SMIM35: variants seen among roughly 807,000 people sequenced by gnomAD.
The protein encoded by SMIM35 is small integral membrane protein 35.
chr11:118,025,721 A>AT (rs1270124333), intron 1 of SMIM35: 1 of 453,680 alleles, frequency 2.2e-6, no homozygotes, highest in Non-Finnish European at 4.4e-6. Context: ...GTTTGTGAAT[A>AT]TTTTCTCCCA....
At chr11:118,068,043 A>G (rs75037338) in intron 1 of SMIM35, among the ~76,000 whole-genome samples, 2,461 of 151,818 alleles carry the variant, frequency 0.016, 105 homozygotes, top group East Asian at 0.11. Context: ...CTTCCAGTAC[A>G]TAAGGTCTGT....
intron 1 of SMIM35, among the ~76,000 whole-genome samples, chr11:118,025,055 T>C (rs1432414624): frequency 1.3e-5 from 2 of 152,196 alleles, no homozygotes; most frequent in Non-Finnish European, 2.9e-5. Context: ...CTACGTAGGA[T>C]AATGACCTCT....
At chr11:118,022,267 T>C (rs774272147) in intron 1 of SMIM35, among the ~76,000 whole-genome samples, 14 of 152,188 alleles carry the variant, frequency 9.2e-5, no homozygotes, top group Non-Finnish European at 1.9e-4. Context: ...GCCAGGATGG[T>C]CTTGATCTCT....
At chr11:118,058,628 C>T (rs1199412736) in intron 1 of SMIM35, among the ~76,000 whole-genome samples, 1 of 152,184 alleles carries the variant, frequency 6.6e-6, no homozygotes, top group Non-Finnish European at 1.5e-5. Context: ...GAACTCAGGG[C>T]AGGTGCCTCT....
At chr11:118,019,459 G>A (rs2058208327) in intron 1 of SMIM35, among the ~76,000 whole-genome samples, 1 of 152,172 alleles carries the variant, frequency 6.6e-6, no homozygotes, top group Non-Finnish European at 1.5e-5. Flanking sequence ...AGCCCAGGAA[G>A]CTAGAATTTA....
chr11:118,071,035 A>G (rs537159150), intron 1 of SMIM35, among the ~76,000 whole-genome samples: 14 of 152,374 alleles, frequency 9.2e-5, no homozygotes, highest in South Asian at 6.2e-4. Context: ...AGACAAAATG[A>G]GACAATGAGA....
chr11:118,060,300 C>T (rs1944375751), intron 1 of SMIM35, among the ~76,000 whole-genome samples: 1 of 152,236 alleles, frequency 6.6e-6, no homozygotes, highest in African/African-American at 2.4e-5. Context: ...TCTCCCCTGA[C>T]AAGAGTCTCA....
At chr11:118,026,294 T>C (rs2058273231) in intron 1 of SMIM35, among the ~76,000 whole-genome samples, 1 of 152,268 alleles carries the variant, frequency 6.6e-6, no homozygotes, top group South Asian at 2.1e-4. Context: ...GATGAGGGAG[T>C]ATTTCCTCAA....
chr11:118,055,341 T>A (rs952624090), intron 1 of SMIM35, among the ~76,000 whole-genome samples: 15 of 152,150 alleles, frequency 9.9e-5, no homozygotes, highest in African/African-American at 3.6e-4. Context: ...GACCCCATCT[T>A]GCAGGAAGTC....
intron 1 of SMIM35, among the ~76,000 whole-genome samples, chr11:118,034,841 A>T (rs1204781320): frequency 6.6e-6 from 1 of 152,210 alleles, no homozygotes; most frequent in East Asian, 1.9e-4. Context: ...TTATAACACC[A>T]GCCCAGGATG....
intron 1 of SMIM35, among the ~76,000 whole-genome samples, chr11:118,048,982 T>C (rs1944162278): frequency 8.1e-6 from 1 of 123,392 alleles, no homozygotes; most frequent in Non-Finnish European, 1.7e-5. Flanking sequence ...AAAACGATGA[T>C]GATTTTGCCA....
At chr11:118,014,887 G>T in intron 2 of SMIM35, 146 bp from the exon 3 acceptor site, 1 of 396,550 alleles carries the variant, frequency 2.5e-6, no homozygotes, top group Non-Finnish European at 4.4e-6. Flanking sequence ...GAGCATTCCA[G>T]CCTCCTTCAG....
chr11:118,010,136 G>A (rs2058142612), intron 4 of SMIM35, among the ~76,000 whole-genome samples: 1 of 152,214 alleles, frequency 6.6e-6, no homozygotes, highest in African/African-American at 2.4e-5. Context: ...TTTGTGTTCT[G>A]TGGACTGTGA....
chr11:118,051,875 A>G (rs1390782603), intron 1 of SMIM35, among the ~76,000 whole-genome samples: 1 of 152,092 alleles, frequency 6.6e-6, no homozygotes, highest in Non-Finnish European at 1.5e-5. Flanking sequence ...CTATACTAAT[A>G]CTAATACTCT....
chr11:118,023,757 G>C (rs1288063912), intron 1 of SMIM35, among the ~76,000 whole-genome samples: 1 of 152,122 alleles, frequency 6.6e-6, no homozygotes, highest in Non-Finnish European at 1.5e-5. Context: ...AAAAAGCTGG[G>C]CGTGGTGGCT....
chr11:118,072,033 C>T (rs913748308), intron 1 of SMIM35, among the ~76,000 whole-genome samples: 5 of 152,140 alleles, frequency 3.3e-5, no homozygotes, highest in Non-Finnish European at 5.9e-5. Context: ...CTCTTCAAGG[C>T]AGGAGATATT....
intron 1 of SMIM35, among the ~76,000 whole-genome samples, chr11:118,021,047 G>GTTTTTTTTTT (rs367714265): frequency 1.4e-5 from 2 of 140,764 alleles, no homozygotes; most frequent in African/African-American, 5.2e-5. Context: ...ACAGGGTAAG[G>GTTTTTTTTTT]TTTTTTTTTT....
intron 1 of SMIM35, among the ~76,000 whole-genome samples, chr11:118,081,825 G>A (rs1945161272): frequency 6.6e-6 from 1 of 152,210 alleles, no homozygotes. Flanking sequence ...AAGATACCAT[G>A]GAAGATTCAG....
intron 1 of SMIM35, among the ~76,000 whole-genome samples, chr11:118,051,354 T>C (rs1362936334): frequency 2.0e-5 from 3 of 152,198 alleles, no homozygotes; most frequent in East Asian, 3.8e-4. Flanking sequence ...TCGTGGATGC[T>C]GAAGTGAGCC....
Sources: gnomAD v4.1 joint callset for allele counts (sites outside exome capture counted in the v4.1 genomes callset) on GRCh38, gnomAD v4.1.1 for gene constraint, MANE v1.5 for transcripts, NCBI Gene and HGNC (gene_info 2026-07-23, HGNC 2026-07-21) for gene names.